Variants in ASAP1 observed in about 807,000 individuals in gnomAD.
ASAP1 encodes ArfGAP with SH3 domain, ankyrin repeat and PH domain 1, also known as arf-GAP with SH3 domain, ANK repeat and PH domain-containing protein 1.
In ASAP1, 43 loss-of-function variants were observed where a neutral mutation model predicts 145.2. That is an observed-to-expected ratio of 0.30 (90% confidence interval 0.23 to 0.38). ASAP1 has a LOEUF of 0.38. Among genes scored for constraint, ASAP1 ranks in the 10% least tolerant of loss-of-function variants. ASAP1 has a pLI of 1.00. For synonymous variants in ASAP1, 546 were observed against 515.5 expected (o/e 1.06, Z -0.80); for missense variants, 1,018 against 1,355.3 (o/e 0.75, Z 3.91).
At chr8:130,362,339 C>T (rs535532076) in intron 2 of ASAP1, among the ~76,000 whole-genome samples, 12 of 152,266 alleles carry the variant, frequency 7.9e-5, no homozygotes, top group Non-Finnish European at 1.6e-4. Flanking sequence ...CACAGGCTCC[C>T]GATGCCCTCA....
chr8:130,064,893 ATGTG>A (rs34905534), intron 27 of ASAP1, among the ~76,000 whole-genome samples: 3,320 of 142,578 alleles, frequency 0.023, 68 homozygotes, highest in African/African-American at 0.058. Context: ...TTTACTAAGA[ATGTG>A]TGTGTGTGTG....
intron 3 of ASAP1, among the ~76,000 whole-genome samples, chr8:130,294,185 T>C (rs373042938): frequency 1.3e-5 from 2 of 152,206 alleles, no homozygotes; most frequent in African/African-American, 2.4e-5. Context: ...AAATGAACTA[T>C]AGCCTTTCAA....
intron 29 of ASAP1, among the ~76,000 whole-genome samples, chr8:130,055,385 G>T (rs1034783763): frequency 6.6e-6 from 1 of 152,140 alleles, no homozygotes; most frequent in Non-Finnish European, 1.5e-5. Flanking sequence ...GGAAGGAAGG[G>T]GTTTCTTTGC....
At chr8:130,372,204 C>T (rs1364728996) in intron 2 of ASAP1, among the ~76,000 whole-genome samples, 1 of 152,238 alleles carries the variant, frequency 6.6e-6, no homozygotes, top group Non-Finnish European at 1.5e-5. Flanking sequence ...GAGGAGCCAA[C>T]AGGCTCCCAC....
intron 2 of ASAP1, among the ~76,000 whole-genome samples, chr8:130,367,343 T>G (rs1002867294): frequency 3.3e-5 from 5 of 152,246 alleles, no homozygotes; most frequent in African/African-American, 1.2e-4. Context: ...ATTTTAAAAG[T>G]GACCAATGAA....
chr8:130,128,172 CA>C (rs1357987830), intron 15 of ASAP1, 82 bp from the exon 16 acceptor site: 16,953 of 399,182 alleles, frequency 0.042, no homozygotes, highest in East Asian at 0.064. Flanking sequence ...TTTGCCACTG[CA>C]AAAAAAAAAA....
At chr8:130,325,411 AC>A (rs535328955) in intron 3 of ASAP1, among the ~76,000 whole-genome samples, 1 of 152,182 alleles carries the variant, frequency 6.6e-6, no homozygotes, top group Non-Finnish European at 1.5e-5. Flanking sequence ...GAATTTGGTA[AC>A]CACACCACAA....
At chr8:130,066,621 T>TTTCA (rs201665012) in intron 27 of ASAP1, among the ~76,000 whole-genome samples, 5,485 of 151,884 alleles carry the variant, frequency 0.036, 134 homozygotes, top group East Asian at 0.089. Context: ...TTTCTTTTTC[T>TTTCA]TTCATTCATT....
At chr8:130,338,841 A>G (rs1053829485) in intron 3 of ASAP1, among the ~76,000 whole-genome samples, 23 of 152,144 alleles carry the variant, frequency 1.5e-4, no homozygotes, top group African/African-American at 5.6e-4. Context: ...GTGGATCACA[A>G]TCCTTCTGAG....
At chr8:130,075,057 A>G (rs557046903) in intron 27 of ASAP1, among the ~76,000 whole-genome samples, 11 of 152,240 alleles carry the variant, frequency 7.2e-5, no homozygotes, top group Admixed American at 2.6e-4. Context: ...GGCACTGGGA[A>G]GTGCTGGGGT....
At chr8:130,094,600 T>C (rs950157250) in intron 24 of ASAP1, among the ~76,000 whole-genome samples, 2 of 152,164 alleles carry the variant, frequency 1.3e-5, no homozygotes, top group Non-Finnish European at 2.9e-5. Context: ...CAGGTAGTAT[T>C]GTCCCCATTT....
At chr8:130,122,071 C>T (rs2097567128) in intron 18 of ASAP1, among the ~76,000 whole-genome samples, 2 of 152,132 alleles carry the variant, frequency 1.3e-5, no homozygotes, top group Admixed American at 1.3e-4. Flanking sequence ...GCTGCTTCCC[C>T]CCAGGGAGGG....
At chr8:130,153,508 C>T (rs2097651942) in intron 12 of ASAP1, among the ~76,000 whole-genome samples, 1 of 150,620 alleles carries the variant, frequency 6.6e-6, no homozygotes, top group African/African-American at 2.4e-5. Context: ...TAGCTGGGAC[C>T]ACAGGCACAC....
At chr8:130,285,323 G>GA (rs200388609) in intron 3 of ASAP1, among the ~76,000 whole-genome samples, 323 of 149,182 alleles carry the variant, frequency 2.2e-3, no homozygotes, top group African/African-American at 7.4e-3. Context: ...AAGTTGGAAA[G>GA]AAAAAAAAAC....
At chr8:130,423,869 A>G (rs542355774) in intron 1 of ASAP1, among the ~76,000 whole-genome samples, 1 of 152,224 alleles carries the variant, frequency 6.6e-6, no homozygotes, top group Admixed American at 6.5e-5. Flanking sequence ...AATTGTGCAG[A>G]AAGTACTTTA....
chr8:130,401,833 C>T lies in ASAP1; in HGVS notation c.59+52G>A. 19 of 1,555,094 alleles carry T rather than the reference C, an allele frequency of 1.2e-5. 1 individual carries two copies. The South Asian group carries it at 1.7e-4, about 14-fold the overall frequency. ...ATTTCAACTCCCAAGAAGAATCCCG[C>T]TGTATCTCCCACGCCGAGTTTTCTG... On this transcript the variant is annotated intron_variant, in intron 2 of 29. Coordinates refer to ENST00000518721, the MANE Select transcript of ASAP1 (RefSeq NM_018482.4).
At chr8:130,291,082 G>A (rs1462791259) in intron 3 of ASAP1, among the ~76,000 whole-genome samples, 1 of 152,116 alleles carries the variant, frequency 6.6e-6, no homozygotes, top group Non-Finnish European at 1.5e-5. Context: ...GCTTGCCTCT[G>A]CTGCAGCTAA....
At chr8:130,373,410 A>C (rs1827323830) in intron 2 of ASAP1, among the ~76,000 whole-genome samples, 1 of 152,218 alleles carries the variant, frequency 6.6e-6, no homozygotes, top group Non-Finnish European at 1.5e-5. Flanking sequence ...AAGGGGCTAC[A>C]AGGAAGGGAG....
intron 3 of ASAP1, among the ~76,000 whole-genome samples, chr8:130,266,085 G>C (rs1204527421): frequency 6.6e-6 from 1 of 152,174 alleles, no homozygotes; most frequent in Admixed American, 6.5e-5. Context: ...CAGGTGCGGG[G>C]TTGAAACTTA....
Sources: gnomAD v4.1 joint callset for allele counts (sites outside exome capture counted in the v4.1 genomes callset) on GRCh38, gnomAD v4.1.1 for gene constraint, MANE v1.5 for transcripts, NCBI Gene and HGNC (gene_info 2026-07-23, HGNC 2026-07-21) for gene names.